Variants in TNS1 observed in about 807,000 individuals in gnomAD.
The protein encoded by TNS1 is tensin-1.
Under a neutral mutation model 168.6 loss-of-function variants are expected in TNS1, and 62 were observed. The ratio of observed to expected loss-of-function variants is 0.37; its 90% CI spans 0.30 to 0.45. The LOEUF (loss-of-function observed/expected upper bound fraction) is 0.45, where lower values mean the gene tolerates loss of function less well. TNS1 is among the 20% of genes least tolerant of loss of function. The pLI, the probability that TNS1 is intolerant of heterozygous loss-of-function variation, is 1.00. For missense variants in TNS1, 2,240 were observed against 2,339.4 expected (o/e 0.96, Z 0.88); for synonymous variants, 934 against 933.2 (o/e 1.00, Z -0.02).
chr2:217,954,977 TAC>T (rs369665264), intron 3 of TNS1, among the ~76,000 whole-genome samples: 108 of 149,544 alleles, frequency 7.2e-4, no homozygotes, highest in Admixed American at 1.1e-3. Flanking sequence ...TCCGTGAATG[TAC>T]ACACACACAC....
chr2:217,896,463 G>A (rs1000599062), intron 8 of TNS1, among the ~76,000 whole-genome samples: 1 of 152,200 alleles, frequency 6.6e-6, no homozygotes, highest in African/African-American at 2.4e-5. Flanking sequence ...CACTGAAGAA[G>A]GCCACGTGGA....
chr2:217,820,181 C>A (rs1942600046), intron 23 of TNS1, among the ~76,000 whole-genome samples: 1 of 152,108 alleles, frequency 6.6e-6, no homozygotes, highest in African/African-American at 2.4e-5. Context: ...TTCTGGAAGG[C>A]TAATCCCAGG....
intron 3 of TNS1, among the ~76,000 whole-genome samples, chr2:217,938,267 C>A (rs1006980): frequency 3.9e-4 from 59 of 152,070 alleles, no homozygotes; most frequent in Non-Finnish European, 7.2e-4. Flanking sequence ...GTGGGAACTG[C>A]GTTGGGTGGA....
intron 18 of TNS1, among the ~76,000 whole-genome samples, chr2:217,870,809 G>A (rs563855187): frequency 2.3e-4 from 35 of 152,302 alleles, no homozygotes; most frequent in South Asian, 4.1e-4. Context: ...CGCAGAGCAG[G>A]GCCAGCTAAG....
chr2:217,805,484 CCA>C (rs758554993), intron 32 of TNS1, among the ~76,000 whole-genome samples: 6 of 36,744 alleles, frequency 1.6e-4, no homozygotes, highest in African/African-American at 3.9e-4. Flanking sequence ...ACCACACACA[CCA>C]CACACACACC....
At chr2:218,014,015 C>T (rs1248937769), upstream of TNS1, among the ~76,000 whole-genome samples, 1 of 152,206 alleles carries the variant, frequency 6.6e-6, no homozygotes, top group Non-Finnish European at 1.5e-5. Context: ...GCAGCCAGCA[C>T]AGGTGTTGGG....
intron 18 of TNS1, among the ~76,000 whole-genome samples, chr2:217,874,815 T>C (rs1282490489): frequency 1.3e-5 from 2 of 152,232 alleles, no homozygotes; most frequent in Non-Finnish European, 2.9e-5. Flanking sequence ...GAAAGTACTG[T>C]TATTGAACCC....
Position 217,810,120 on chromosome 2 carries a change from T to C in TNS1, c.5104+128A>G, listed in dbSNP as rs1380922623. 37 of 1,433,618 alleles carry C rather than the reference T, an allele frequency of 2.6e-5. 1 individual carries two copies. Among genetic ancestry groups the C allele is most frequent in the Non-Finnish European group, 5.8e-6 (6 of 1,038,226 alleles). The allele number at this position is 1,433,618 out of a possible 1,614,324, so 88.8% of individuals were successfully genotyped here. A position where few individuals can be genotyped will look rare whatever the true frequency, so the allele number is the denominator to read the frequency against. On this transcript the variant is annotated intron_variant, in intron 29 of 32. Coordinates refer to ENST00000682258, the MANE Select transcript of TNS1 (RefSeq NM_001387777.1). ...AGCCTTGAGCCAAGGCATCTGCACA[T>C]AGAAATGTGATCTTCCCAGAGACAT...
intron 18 of TNS1, among the ~76,000 whole-genome samples, chr2:217,869,517 A>G (rs913505950): frequency 6.6e-6 from 1 of 152,166 alleles, no homozygotes; most frequent in Non-Finnish European, 1.5e-5. Flanking sequence ...CCACACACCC[A>G]TCAGAGCCAG....
At chr2:217,987,513 G>A (rs911931160) in intron 2 of TNS1, among the ~76,000 whole-genome samples, 2 of 152,156 alleles carry the variant, frequency 1.3e-5, no homozygotes, top group Non-Finnish European at 2.9e-5. Context: ...GGAGGAAAAC[G>A]GAAGGGCGGC....
At chr2:217,835,835 T>C (rs886816968) in intron 20 of TNS1, among the ~76,000 whole-genome samples, 180 bp downstream of exon 20, 1 of 152,082 alleles carries the variant, frequency 6.6e-6, no homozygotes, top group Non-Finnish European at 1.5e-5. Flanking sequence ...AGTGGGAACA[T>C]AGAGCTATTT....
At chr2:217,926,084 C>T (rs908145085) in intron 3 of TNS1, among the ~76,000 whole-genome samples, 5 of 152,046 alleles carry the variant, frequency 3.3e-5, no homozygotes, top group Admixed American at 6.5e-5. Context: ...GTAGAGGAAA[C>T]GAGGGCACAG....
intron 19 of TNS1, among the ~76,000 whole-genome samples, chr2:217,843,430 T>G (rs73074371): frequency 0.023 from 3,424 of 151,970 alleles, 120 homozygotes; most frequent in African/African-American, 0.078. Context: ...TACAAAAAAG[T>G]TCCCAATCAC....
intron 1 of TNS1, among the ~76,000 whole-genome samples, chr2:218,001,775 C>T (rs374359324): frequency 5.9e-5 from 9 of 151,820 alleles, no homozygotes; most frequent in East Asian, 5.8e-4. Context: ...CCTGGCTGCC[C>T]GAGTTTGTGT....
intron 3 of TNS1, among the ~76,000 whole-genome samples, chr2:217,926,807 T>G (rs1956051823): frequency 6.6e-6 from 1 of 152,184 alleles, no homozygotes; most frequent in Non-Finnish European, 1.5e-5. Flanking sequence ...TCTCAACAAT[T>G]CTGCCAGACC....
exon 1 of TNS1, chr2:218,010,242 G>A (rs988005957): frequency 8.5e-5 from 34 of 398,546 alleles, no homozygotes; most frequent in Non-Finnish European, 1.4e-4. Flanking sequence ...CGGAAGAGGT[G>A]GACCCGCCGC....
chr2:217,879,425 C>A (rs746115050), intron 18 of TNS1: 7 of 453,898 alleles, frequency 1.5e-5, no homozygotes, highest in South Asian at 1.1e-4. Context: ...GCTCAGCGCC[C>A]GGGGATGGAG....
chr2:217,842,226 C>T, intron 19 of TNS1: 1 of 630,842 alleles, frequency 1.6e-6, no homozygotes. Flanking sequence ...ATGTACACGT[C>T]AACAATTCCC....
chr2:217,847,783 C>A lies in TNS1; in HGVS notation c.2734G>T (p.Val912Phe), dbSNP rs1057008329. 3.1e-6 allele frequency: 5 copies of A among 1,607,840 alleles called. No homozygotes were observed. The highest frequency in any genetic ancestry group is 3.4e-6 in the Non-Finnish European group (4 of 1,175,048). Residue 912 changes from valine to phenylalanine, a missense_variant, in exon 19 of 33, where the codon GTC (valine) becomes TTC (phenylalanine). Val to Phe is a conservative substitution (Grantham distance 50, BLOSUM62 -1). Around this residue, in one of 2 missense-constraint regions of TNS1, gnomAD observed 2,131 missense variants for 2,171.2 expected, o/e 0.98. Coordinates refer to ENST00000682258, the MANE Select transcript of TNS1 (RefSeq NM_001387777.1). The part of the protein sequence containing the change: ...EPAPRASLES[V>F]PPGRSYSPYD... The stretch of plus-strand genomic sequence containing the variant: ...GGTGAGTAAGACCTGCCAGGAGGGA[C>A]AGACTCCAGAGAGGCCCGTGGGGCT...
Sources: allele counts gnomAD v4.1 joint callset (sites outside exome capture counted in the v4.1 genomes callset), GRCh38; gene constraint gnomAD v4.1.1; regional missense constraint gnomAD v4.1.1; transcripts MANE v1.5; gene names NCBI Gene and HGNC (gene_info 2026-07-23, HGNC 2026-07-21).